Variants in ELMO1 observed in about 807,000 individuals in gnomAD.
ELMO1 encodes the protein engulfment and cell motility protein 1.
ELMO1 carries 26 observed loss-of-function variants against 98.9 expected under a neutral mutation model. The ratio of observed to expected loss-of-function variants is 0.26; its 90% CI spans 0.19 to 0.36. ELMO1 has a LOEUF of 0.36. Among genes scored for constraint, ELMO1 ranks in the 10% least tolerant of loss-of-function variants. The pLI is 1.00. For missense variants in ELMO1, 627 were observed against 935.2 expected, an observed-to-expected ratio of 0.67 and a Z score of 4.30; for synonymous variants, 346 against 346.0, an observed-to-expected ratio of 1.00 and a Z score of 0.00.
rs765024502 is a variant in ELMO1 at position 36,877,914 on chromosome 7, G to A, written c.1822+96C>T. On this transcript the variant is annotated intron_variant, in intron 19 of 21. Coordinates refer to ENST00000310758, the MANE Select transcript of ELMO1 (RefSeq NM_014800.11). Reference sequence around the variant, plus strand: ...CAACTAGATGAGATGTGTTCAAAGGGCTTACTTAGGCTGATAGTTCTGTTG... The same window carrying A: ...CAACTAGATGAGATGTGTTCAAAGGACTTACTTAGGCTGATAGTTCTGTTG... The A allele has an allele frequency of 6.1e-4, 566 of 933,578 alleles. 1 individual carries two copies. The highest frequency in any genetic ancestry group is 8.1e-4 in the Non-Finnish European group (480 of 592,568). The allele number at this position is 933,578 out of a possible 1,614,324, so 57.8% of individuals were successfully genotyped here.
At chr7:37,416,057 C>A (rs1440536960) in intron 1 of ELMO1, among the ~76,000 whole-genome samples, 4 of 152,194 alleles carry the variant, frequency 2.6e-5, no homozygotes, top group Admixed American at 6.5e-5. Context: ...AAATTCAAAC[C>A]TGTGTTTTCA....
chr7:37,168,797 C>T (rs200461772), intron 13 of ELMO1, among the ~76,000 whole-genome samples: 7 of 151,378 alleles, frequency 4.6e-5, no homozygotes, highest in Non-Finnish European at 8.9e-5. Flanking sequence ...GGTCAGGGAC[C>T]CACTTGAGGA....
chr7:37,165,010 A>C (rs1420926125), intron 13 of ELMO1, among the ~76,000 whole-genome samples: 31 of 151,996 alleles, frequency 2.0e-4, no homozygotes, highest in Non-Finnish European at 3.2e-4. Context: ...CTTTTATTTC[A>C]TTGAGCAGTG....
At chr7:37,032,690 G>A (rs902136631) in intron 15 of ELMO1, among the ~76,000 whole-genome samples, 1 of 152,182 alleles carries the variant, frequency 6.6e-6, no homozygotes, top group Admixed American at 6.5e-5. Context: ...ACAATCTTCT[G>A]GATGCCTCAA....
intron 4 of ELMO1, among the ~76,000 whole-genome samples, chr7:37,302,538 C>G (rs553558951): frequency 1.5e-3 from 221 of 152,150 alleles, no homozygotes; most frequent in African/African-American, 5.1e-3. Flanking sequence ...CTCAAGTTTA[C>G]CATCCCAACT....
chr7:37,009,769 A>C (rs759416477), intron 16 of ELMO1, among the ~76,000 whole-genome samples: 2 of 152,258 alleles, frequency 1.3e-5, no homozygotes, highest in African/African-American at 2.4e-5. Flanking sequence ...AAAGTTGAAA[A>C]GAAATTATGT....
At chr7:37,259,132 C>A in intron 6 of ELMO1, 49 bp downstream of exon 6, 1 of 1,554,042 alleles carries the variant, frequency 6.4e-7, no homozygotes. Flanking sequence ...ATATTCAAAA[C>A]GCGGAGACAC....
intron 1 of ELMO1, among the ~76,000 whole-genome samples, chr7:37,444,968 C>T (rs2131598227): frequency 6.6e-6 from 1 of 152,342 alleles, no homozygotes; most frequent in South Asian, 2.1e-4. Context: ...ACGTCGTCAT[C>T]AGAATCCCTG....
chr7:37,436,123 T>G (rs1187556537), intron 1 of ELMO1, among the ~76,000 whole-genome samples: 1 of 152,254 alleles, frequency 6.6e-6, no homozygotes, highest in Non-Finnish European at 1.5e-5. Flanking sequence ...AAATCACTTT[T>G]AAGCTGCTAG....
intron 1 of ELMO1, among the ~76,000 whole-genome samples, chr7:37,417,683 C>CACACACACACACACAA (rs753914608): frequency 6.2e-5 from 9 of 146,330 alleles, no homozygotes; most frequent in South Asian, 4.5e-4. Flanking sequence ...CACACACACA[C>CACACACACACACACAA]AAGCAAAAAT....
At chr7:37,031,437 A>G (rs980749777) in intron 15 of ELMO1, among the ~76,000 whole-genome samples, 1 of 152,178 alleles carries the variant, frequency 6.6e-6, no homozygotes, top group Non-Finnish European at 1.5e-5. Flanking sequence ...AGACTTTTAG[A>G]CTTAATACAT....
At chr7:37,430,871 G>T (rs1218566004) in intron 1 of ELMO1, among the ~76,000 whole-genome samples, 1 of 152,216 alleles carries the variant, frequency 6.6e-6, no homozygotes, top group African/African-American at 2.4e-5. Flanking sequence ...CAAGTGGGTG[G>T]TGATTAATTT....
chr7:37,280,508 A>G (rs1260655588), intron 4 of ELMO1, among the ~76,000 whole-genome samples: 1 of 151,798 alleles, frequency 6.6e-6, no homozygotes, highest in East Asian at 1.9e-4. Context: ...ATCAGTAAGA[A>G]AAAAAAAATC....
chr7:37,329,560 G>A (rs1799993972), intron 2 of ELMO1, among the ~76,000 whole-genome samples: 1 of 152,136 alleles, frequency 6.6e-6, no homozygotes, highest in Non-Finnish European at 1.5e-5. Context: ...AGTTAAATGG[G>A]AAAACTGGCC....
intron 15 of ELMO1, among the ~76,000 whole-genome samples, chr7:37,089,828 T>C (rs779015983): frequency 4.6e-5 from 7 of 152,118 alleles, no homozygotes; most frequent in Non-Finnish European, 8.8e-5. Flanking sequence ...TAACTCCAGT[T>C]TTCTTTAGAT....
At chr7:37,139,685 C>A (rs764224906) in intron 13 of ELMO1, among the ~76,000 whole-genome samples, 5 of 152,096 alleles carry the variant, frequency 3.3e-5, no homozygotes, top group Non-Finnish European at 7.4e-5. Context: ...CCAAATACCA[C>A]CACTGCTCTT....
At chr7:37,016,709 G>A (rs538237573) in intron 15 of ELMO1, among the ~76,000 whole-genome samples, 29 of 152,286 alleles carry the variant, frequency 1.9e-4, no homozygotes, top group Non-Finnish European at 4.0e-4. Flanking sequence ...CACGCACCGG[G>A]CACTGAATGA....
At chr7:37,203,352 G>C (rs1472572563) in intron 13 of ELMO1, among the ~76,000 whole-genome samples, 1 of 152,224 alleles carries the variant, frequency 6.6e-6, no homozygotes, top group Non-Finnish European at 1.5e-5. Context: ...GTCGTACCCT[G>C]AGGGAGGGAA....
At chr7:37,376,295 C>A (rs1256636419) in intron 1 of ELMO1, among the ~76,000 whole-genome samples, 1 of 152,162 alleles carries the variant, frequency 6.6e-6, no homozygotes, top group Non-Finnish European at 1.5e-5. Flanking sequence ...TCGAACAGCC[C>A]TTCCTCATTC....
Sources: gnomAD v4.1 joint callset for allele counts (sites outside exome capture counted in the v4.1 genomes callset) on GRCh38, gnomAD v4.1.1 for gene constraint, MANE v1.5 for transcripts, NCBI Gene and HGNC (gene_info 2026-07-23, HGNC 2026-07-21) for gene names.